GRIK5: variants seen among roughly 807,000 people sequenced by gnomAD.
GRIK5 encodes glutamate receptor ionotropic, kainate 5.
GRIK5 carries 43 observed loss-of-function variants against 97.4 expected under a neutral mutation model. The observed-to-expected ratio is 0.44, with a 90% confidence interval of 0.35 to 0.57. The LOEUF (loss-of-function observed/expected upper bound fraction) is 0.57, where lower values mean the gene tolerates loss of function less well. Ranked by LOEUF, GRIK5 falls within the 20% of genes least tolerant of loss-of-function variation. The probability of loss-of-function intolerance (pLI) is 0.01; values close to 1 mark genes in which losing one functional copy is unlikely to be tolerated. For missense variants in GRIK5, 1,015 were observed against 1,382.0 expected (o/e 0.73, Z 4.21); for synonymous variants, 580 against 583.5 (o/e 0.99, Z 0.09).
At position 42,062,177 on chromosome 19, in the gene GRIK5, A is replaced by G. The variant is rs543955256; in HGVS notation, c.508+311T>C. ...GGCAGCACACATACCACTCTGTATCACAACAGCTCAATGACCAATGACCTC... is the reference window on the plus strand; with the variant it reads ...GGCAGCACACATACCACTCTGTATCGCAACAGCTCAATGACCAATGACCTC... On this transcript the variant is annotated intron_variant, in intron 5 of 19. Coordinates refer to ENST00000593562, the MANE Select transcript of GRIK5 (RefSeq NM_002088.5). This position sits in a 1 kb window ranked among gnomAD's most constrained non-coding sequence, Gnocchi z 5.3. Among the ~76,000 whole-genome samples the G allele has an allele frequency of 6.6e-6, 1 of 152,212 alleles. No homozygotes were observed. The highest frequency in any genetic ancestry group is 2.4e-5 in the African/African-American group (1 of 41,522).
intron 15 of GRIK5, among the ~76,000 whole-genome samples, chr19:42,007,300 G>C (rs546051941): frequency 6.6e-6 from 1 of 151,904 alleles, no homozygotes; most frequent in Admixed American, 6.6e-5. Context: ...TCACCATGTT[G>C]GCCAGGCTGG....
chr19:42,053,093 C>T (rs1001459706), intron 11 of GRIK5, among the ~76,000 whole-genome samples: 4 of 152,188 alleles, frequency 2.6e-5, no homozygotes, highest in Non-Finnish European at 5.9e-5. Context: ...TACAGGACAA[C>T]GTCCCTGTCT....
chr19:42,065,487 G>A lies in GRIK5; in HGVS notation c.80-100C>T. 7.9e-7 allele frequency: 1 copy of A among 1,267,334 alleles called. No homozygotes were observed. Among genetic ancestry groups the A allele is most frequent in the Non-Finnish European group, 1.1e-6 (1 of 923,564 alleles). 78.5% of individuals were successfully genotyped at this position (1,267,334 alleles called of 1,614,324 possible). On this transcript the variant is annotated intron_variant, in intron 2 of 19. Transcript: ENST00000593562. This position sits in a 1 kb window ranked among gnomAD's most constrained non-coding sequence, Gnocchi z 5.8. ...GGCTCTAGGGTGAGGTGGGTATACG[G>A]ACCAGGGGTCTAGACACCTGGATCT...
chr19:42,042,826 G>A lies in GRIK5; in HGVS notation c.1270-71C>T, dbSNP rs1006487616. 1.1e-5 allele frequency: 13 copies of A among 1,157,146 alleles called. No individual in the cohort carries two copies. Among genetic ancestry groups the A allele is most frequent in the East Asian group, 7.3e-5 (3 of 40,874 alleles). The allele number at this position is 1,157,146 out of a possible 1,614,324, so 71.7% of individuals were successfully genotyped here. On this transcript the variant is annotated intron_variant, in intron 11 of 19. Coordinates refer to ENST00000593562, the MANE Select transcript of GRIK5 (RefSeq NM_002088.5). The surrounding 1 kb of genome is among the most constrained non-coding windows in gnomAD (Gnocchi z 6.9). Reference sequence around the variant, plus strand: ...GGCTGGGTTGCGGATCCTGGAGCCCGGACCAGGCAGGTAGAGCAGGAATCT... The same window carrying A: ...GGCTGGGTTGCGGATCCTGGAGCCCAGACCAGGCAGGTAGAGCAGGAATCT...
At position 42,022,773 on chromosome 19, in the gene GRIK5, G is replaced by T; in HGVS notation, c.1474-419C>A. 1.6e-6 allele frequency: 1 copy of T among 616,124 alleles called. No homozygotes were observed. Among genetic ancestry groups the T allele is most frequent in the Non-Finnish European group, 2.0e-6 (1 of 492,950 alleles). 38.2% of individuals were successfully genotyped at this position (616,124 alleles called of 1,614,324 possible). A position where few individuals can be genotyped will look rare whatever the true frequency, so the allele number is the denominator to read the frequency against. On this transcript the variant is annotated intron_variant, in intron 12 of 19. Coordinates refer to ENST00000593562, the MANE Select transcript of GRIK5 (RefSeq NM_002088.5). The surrounding 1 kb of genome is among the most constrained non-coding windows in gnomAD (Gnocchi z 4.2). Reference sequence around the variant, plus strand: ...ACACAGAGCAGGGAGAGAGGAGGCAGGGCCCAGAAATGACCCCGGGTGGGG... The same window carrying T: ...ACACAGAGCAGGGAGAGAGGAGGCATGGCCCAGAAATGACCCCGGGTGGGG...
intron 11 of GRIK5, 141 bp downstream of exon 11, chr19:42,053,461 C>T: frequency 1.6e-6 from 1 of 621,642 alleles, no homozygotes; most frequent in Non-Finnish European, 2.9e-6. Flanking sequence ...TTGTTCACAA[C>T]CTGGAGTTGC....
At position 42,002,340 on chromosome 19, in the gene GRIK5, T is replaced by C; in HGVS notation, c.2514+992A>G. ...GTTTAAGACTGGAGAAATGACAGCA[T>C]ATTTGTACGTTGGTGGCCTGAATCC... On this transcript the variant is annotated intron_variant, in intron 19 of 19. Transcript: ENST00000593562. This position sits in a 1 kb window ranked among gnomAD's most constrained non-coding sequence, Gnocchi z 5.2. 1 of 717,538 alleles carries C rather than the reference T, an allele frequency of 1.4e-6. No individual in the cohort carries two copies. Among genetic ancestry groups the C allele is most frequent in the East Asian group, 2.7e-5 (1 of 37,290 alleles). The allele number at this position is 717,538 out of a possible 1,614,324, so 44.4% of individuals were successfully genotyped here. A position where few individuals can be genotyped will look rare whatever the true frequency, so the allele number is the denominator to read the frequency against.
At chr19:42,024,783 G>C (rs1225526145) in intron 12 of GRIK5, among the ~76,000 whole-genome samples, 1 of 152,180 alleles carries the variant, frequency 6.6e-6, no homozygotes, top group Non-Finnish European at 1.5e-5. Context: ...TACGCCTGAG[G>C]CGCCTGTCCA....
Position 42,056,762 on chromosome 19 carries a change from G to A in GRIK5, c.803C>T (p.Ser268Phe). 1 of 1,614,080 alleles carries A rather than the reference G, an allele frequency of 6.2e-7. No homozygotes were observed. Among genetic ancestry groups the A allele is most frequent in the Non-Finnish European group, 8.5e-7 (1 of 1,179,954 alleles). ...VEDSSNILGF[S>F]MFNTSHPFYP... ...GAAGGGGTGGGACGTGTTGAACATG[G>A]AGAAGCCCAGGATGTTGGAGGAGTC... Residue 268 changes from serine (S) to phenylalanine (F), a missense_variant, in exon 8 of 20, where the codon TCC (serine) becomes TTC (phenylalanine). Ser to Phe is a radical substitution (Grantham distance 155). Transcript: ENST00000593562.
At position 42,048,873 on chromosome 19, in the gene GRIK5, T is replaced by C. The variant is rs1010518966; in HGVS notation, c.1269+4729A>G. Among the ~76,000 whole-genome samples the C allele has an allele frequency of 4.6e-5, 7 of 151,850 alleles. 1 individual carries two copies. The highest frequency in any genetic ancestry group is 3.4e-3 in the Middle Eastern group (1 of 294). Reference sequence around the variant, plus strand: ...GGGCAACATGGTAAAACCCTGTCAATTAAAAAAAATTGTTTTTAATTAGCT... The same window carrying C: ...GGGCAACATGGTAAAACCCTGTCAACTAAAAAAAATTGTTTTTAATTAGCT... On this transcript the variant is annotated intron_variant, in intron 11 of 19. Transcript: ENST00000593562.
In GRIK5 at chr19:42,021,321, C is replaced by A; in HGVS notation, c.1851G>T (p.Thr617=). 2 of 1,612,996 alleles carry A rather than the reference C, an allele frequency of 1.2e-6. No individual in the cohort carries two copies. The highest frequency in any genetic ancestry group is 1.1e-5 in the South Asian group (1 of 90,980). ...CTCACCAGACTCCGCTGACACAGCG[C>A]GTGGACAGCGCCCGGGGCATGATCT... is the stretch of plus-strand genomic sequence containing the variant. The part of the protein sequence containing the change: ...GSEIMPRALS[T]RCVSGVWWAF... The change falls in exon 15 of 20, where the codon ACG becomes ACT. Residue 617 remains threonine (T), a synonymous_variant. Coordinates refer to ENST00000593562, the MANE Select transcript of GRIK5 (RefSeq NM_002088.5). The surrounding 1 kb of genome is among the most constrained non-coding windows in gnomAD (Gnocchi z 4.2).
chr19:42,022,481 A>G lies in GRIK5; in HGVS notation c.1474-127T>C, dbSNP rs1599771642. The stretch of plus-strand genomic sequence containing the variant: ...GAGAGAGAGAGAGGTAGGGAGGGGG[A>G]GGGGCCAGGAGCATGGACTGACTCC... On this transcript the variant is annotated intron_variant, in intron 12 of 19. Coordinates refer to ENST00000593562, the MANE Select transcript of GRIK5 (RefSeq NM_002088.5). The surrounding 1 kb of genome is among the most constrained non-coding windows in gnomAD (Gnocchi z 4.2). 2.8e-6 allele frequency: 4 copies of G among 1,453,002 alleles called. No individual in the cohort carries two copies. Among genetic ancestry groups the G allele is most frequent in the Non-Finnish European group, 3.6e-6 (4 of 1,097,022 alleles). 90.0% of individuals were successfully genotyped at this position (1,453,002 alleles called of 1,614,324 possible).
At chr19:42,064,670 C>T (rs191914244) in intron 3 of GRIK5, among the ~76,000 whole-genome samples, 1 of 152,322 alleles carries the variant, frequency 6.6e-6, no homozygotes, top group East Asian at 1.9e-4. Context: ...AGGAAAGAAA[C>T]CTGTCTAAAA....
intron 11 of GRIK5, 64 bp downstream of exon 11, chr19:42,053,538 C>T (rs1864304992): frequency 1.1e-5 from 11 of 969,762 alleles, no homozygotes; most frequent in Admixed American, 1.0e-4. Context: ...CTCCACCTCA[C>T]GGTGGGAGCT....
Position 42,065,631 on chromosome 19 carries a change from T to A in GRIK5, c.79+61A>T, listed in dbSNP as rs1419270895. The A allele has an allele frequency of 3.7e-6, 5 of 1,364,362 alleles. No individual in the cohort carries two copies. The highest frequency in any genetic ancestry group is 5.0e-6 in the Non-Finnish European group (5 of 996,342). The allele number at this position is 1,364,362 out of a possible 1,614,324, so 84.5% of individuals were successfully genotyped here. ...CTGGACCCTGACGGACTGGCATGCC[T>A]GGGTCCCCAGAGGAGCCCCAGGGCC... On this transcript the variant is annotated intron_variant, in intron 2 of 19. Transcript: ENST00000593562. The surrounding 1 kb of genome is among the most constrained non-coding windows in gnomAD (Gnocchi z 5.8).
At chr19:42,034,585 G>A (rs994885012) in intron 12 of GRIK5, among the ~76,000 whole-genome samples, 23 of 151,982 alleles carry the variant, frequency 1.5e-4, no homozygotes, top group Non-Finnish European at 7.4e-5. Flanking sequence ...TATTTGCTGC[G>A]CACCAGCTGG....
chr19:42,055,903 G>A (rs935494839), intron 8 of GRIK5, among the ~76,000 whole-genome samples: 6 of 152,046 alleles, frequency 3.9e-5, no homozygotes, highest in African/African-American at 9.7e-5. Flanking sequence ...GGCTGATCTC[G>A]AACTCCTGGA....
chr19:42,064,196 C>A (rs905987504), intron 3 of GRIK5, among the ~76,000 whole-genome samples: 6 of 152,198 alleles, frequency 3.9e-5, no homozygotes, highest in Admixed American at 3.9e-4. Context: ...TCTCCAGATT[C>A]TCTTTCCAGA....
chr19:42,056,520 T>G (rs1599839553), intron 8 of GRIK5, 142 bp downstream of exon 8: 2 of 663,658 alleles, frequency 3.0e-6, no homozygotes, highest in South Asian at 3.7e-5. Context: ...AGGACATGGG[T>G]CCAATGCATC....
Sources: allele counts gnomAD v4.1 joint callset (sites outside exome capture counted in the v4.1 genomes callset), GRCh38; gene constraint gnomAD v4.1.1; non-coding constraint Gnocchi (gnomAD v3.1); transcripts MANE v1.5; gene names NCBI Gene and HGNC (gene_info 2026-07-23, HGNC 2026-07-21).